The following BAIAP3 variants were observed in gnomAD, a reference collection of about 807,000 sequenced individuals.
BAIAP3 encodes the protein BAI1 associated protein 3, also known as BAI1-associated protein 3.
Under a neutral mutation model 149.7 loss-of-function variants are expected in BAIAP3, and 180 were observed. The ratio of observed to expected loss-of-function variants is 1.20; its 90% CI spans 1.07 to 1.36. The LOEUF is 1.36. BAIAP3 is among the 40% of genes most tolerant of loss of function. BAIAP3 has a pLI of 0.00. For missense variants in BAIAP3, 1,767 were observed against 1,563.4 expected (o/e 1.13, Z -2.20); for synonymous variants, 845 against 670.7 (o/e 1.26, Z -4.02).
At chr16:1,343,892 G>A (rs2034111795) in intron 15 of BAIAP3, 130 bp from the exon 16 acceptor site, 10 of 1,413,420 alleles carry the variant, frequency 7.1e-6, no homozygotes, top group Non-Finnish European at 9.6e-6. Flanking sequence ...GGCCTGTGGA[G>A]GGTGCTGCTC....
rs748675139 is a variant in BAIAP3 at position 1,342,991 on chromosome 16, C to G, written c.1240C>G (p.Leu414Val). 3 of 1,610,578 alleles carry G rather than the reference C, an allele frequency of 1.9e-6. No individual in the cohort carries two copies. In the African/African-American group the frequency reaches 4.0e-5, roughly 22 times the overall value. ...ILCLHGAQSN[L>V]SPLQLAVLHW... ...CTGCCTGCACGGAGCCCAGAGCAAC[C>G]TGTCACCCTTGCAGCTGGCCGTGCT... The change falls in exon 14 of 34, where the codon CTG becomes GTG. Residue 414 changes from leucine to valine, a missense_variant. Physicochemically the swap from Leu to Val is conservative, Grantham distance 32. Coordinates refer to ENST00000426824, the MANE Select transcript of BAIAP3 (RefSeq NM_001199097.2).
rs899183263 is a variant in BAIAP3 at position 1,333,648 on chromosome 16, C to G, written c.-112C>G. ...GGCGTCCGCCCAGCAGTTGCTCAGT[C>G]GTCGGCGCGCGCGGCTGGGAGCGGT... On this transcript the variant is annotated 5_prime_UTR_variant, in exon 1 of 34. Transcript: ENST00000426824. 1.7e-4 allele frequency: 26 copies of G among 150,094 alleles called. No individual in the cohort carries two copies. Among genetic ancestry groups the G allele is most frequent in the Admixed American group, 7.3e-4 (11 of 15,128 alleles). The allele number at this position is 150,094 out of a possible 1,614,324, so 9.3% of individuals were successfully genotyped here. A position where few individuals can be genotyped will look rare whatever the true frequency, so the allele number is the denominator to read the frequency against.
rs1336621373 is a variant in BAIAP3, at chr16:1,338,983, C to T, written c.213C>T (p.Cys71=). The T allele has an allele frequency of 6.2e-7, 1 of 1,612,822 alleles. No homozygotes were observed. The highest frequency in any genetic ancestry group is 1.7e-5 in the Admixed American group (1 of 60,002). ...KKGEGRQGLP[C]LEVPLRSGSP... ...GGGAAGGCAGACAGGGCTTGCCGTG[C>T]CTCGAGGTAAGGGTGCCACCCCCAG... The change falls in exon 3 of 34, where the codon TGC becomes TGT. Residue 71 remains cysteine (C), a synonymous_variant. Transcript: ENST00000426824.
chr16:1,345,410 C>G, intron 22 of BAIAP3, 38 bp downstream of exon 22: 1 of 1,570,102 alleles, frequency 6.4e-7, no homozygotes, highest in Non-Finnish European at 8.7e-7. Context: ...TGGGGCTGGT[C>G]CAGGCCCCCA....
Position 1,346,048 on chromosome 16 carries a change from A to G in BAIAP3, c.2271A>G (p.Pro757=), listed in dbSNP as rs776236155. ...ELLRKKVDTQ[P]GAAGEAVSEA... ...TTCGGAAGAAGGTGGACACTCAGCC[A>G]GGGGCGGCCGGTGAAGCAGTGAGCG... The change falls in exon 24 of 34, where the codon CCA becomes CCG. Residue 757 remains proline, a synonymous_variant. Coordinates refer to ENST00000426824, the MANE Select transcript of BAIAP3 (RefSeq NM_001199097.2). 1.2e-6 allele frequency: 2 copies of G among 1,611,656 alleles called. No individual in the cohort carries two copies. The highest frequency in any genetic ancestry group is 1.7e-6 in the Non-Finnish European group (2 of 1,179,546).
chr16:1,343,640 G>A (rs2034092308), intron 15 of BAIAP3, 127 bp downstream of exon 15: 8 of 1,399,298 alleles, frequency 5.7e-6, no homozygotes, highest in Middle Eastern at 5.1e-4. Flanking sequence ...TGGACAAACT[G>A]TATGACGTGG....
chr16:1,341,399 A>G lies in BAIAP3; in HGVS notation c.641A>G (p.Lys214Arg). Residue 214 changes from lysine (K) to arginine (R), a missense_variant, in exon 8 of 34, where the codon AAG becomes AGG. Coordinates refer to ENST00000426824, the MANE Select transcript of BAIAP3 (RefSeq NM_001199097.2). Reference protein sequence around the residue: ...EQRFGFRKGSKRGGPLPAKCI... With the variant: ...EQRFGFRKGSRRGGPLPAKCI... Reference sequence around the variant, plus strand: ...CGCTTCGGCTTCCGCAAGGGCAGCAAGCGCGGTGGACCCCTGCCTGCCAAG... The same window carrying G: ...CGCTTCGGCTTCCGCAAGGGCAGCAGGCGCGGTGGACCCCTGCCTGCCAAG... The G allele has an allele frequency of 1.2e-6, 2 of 1,612,648 alleles. No homozygotes were observed. Among genetic ancestry groups the G allele is most frequent in the Non-Finnish European group, 1.7e-6 (2 of 1,179,912 alleles).
rs980461930 is a variant in BAIAP3 at position 1,333,741 on chromosome 16, C to G, written c.-19C>G. 6.6e-6 allele frequency: 1 copy of G among 151,972 alleles called. No homozygotes were observed. The highest frequency in any genetic ancestry group is 1.5e-5 in the Non-Finnish European group (1 of 67,962). The allele number at this position is 151,972 out of a possible 1,614,324, so 9.4% of individuals were successfully genotyped here. On this transcript the variant is annotated 5_prime_UTR_variant, in exon 1 of 34. Coordinates refer to ENST00000426824, the MANE Select transcript of BAIAP3 (RefSeq NM_001199097.2). ...CCCAGGAGCCCCCCCATCCCCGCGC[C>G]GGCCCACGGTAAGTGCCGCGGGCTG... is the stretch of plus-strand genomic sequence containing the variant.
chr16:1,338,194 G>A (rs1381018675), intron 1 of BAIAP3, among the ~76,000 whole-genome samples: 1 of 152,132 alleles, frequency 6.6e-6, no homozygotes, highest in African/African-American at 2.4e-5. Context: ...GCGGGGAGGG[G>A]TGTGGGGGGC....
chr16:1,343,278 A>G, intron 14 of BAIAP3, 115 bp from the exon 15 acceptor site: 1 of 1,431,276 alleles, frequency 7.0e-7, no homozygotes, highest in Non-Finnish European at 9.4e-7. Flanking sequence ...TGCTATGAGT[A>G]GGCGCGGCAG....
rs1019540861 is a variant in BAIAP3, at chr16:1,346,872, C to A, written c.2668C>A (p.Leu890Ile). ...SRVLEALWELLLQAILQALGA... is the reference protein window; with the variant it reads ...SRVLEALWELILQAILQALGA... ...GGTGCTGGAGGCCCTGTGGGAGCTA[C>A]TCCTCCAGGCCATTCTGCAGGCGCT... The change falls in exon 28 of 34, where the codon CTC (leucine) becomes ATC (isoleucine). Residue 890 changes from leucine (L) to isoleucine (I), a missense_variant. By Grantham distance (5) the Leu-to-Ile change is conservative. Coordinates refer to ENST00000426824, the MANE Select transcript of BAIAP3 (RefSeq NM_001199097.2). 48 of 1,607,950 alleles carry A rather than the reference C, an allele frequency of 3.0e-5. No homozygotes were observed. The highest frequency in any genetic ancestry group is 3.8e-5 in the Non-Finnish European group (45 of 1,178,870).
chr16:1,348,274 C>T lies in BAIAP3; in HGVS notation c.3328C>T (p.Leu1110=). 6.2e-7 allele frequency: 1 copy of T among 1,601,166 alleles called. No homozygotes were observed. Among genetic ancestry groups the T allele is most frequent in the Non-Finnish European group, 8.5e-7 (1 of 1,175,156 alleles). Residue 1110 remains leucine (L), a synonymous_variant, in exon 33 of 34, where the codon CTG becomes TTG. Coordinates refer to ENST00000426824, the MANE Select transcript of BAIAP3 (RefSeq NM_001199097.2). The part of the protein sequence containing the change: ...GGARAGQPVT[L]HLCRPRAQVR... Reference sequence around the variant, plus strand: ...TGCAAGGGCTGGGCAGCCTGTCACCCTGCACCTGTGCCGGCCCAGAGCCCA... The same window carrying T: ...TGCAAGGGCTGGGCAGCCTGTCACCTTGCACCTGTGCCGGCCCAGAGCCCA...
intron 1 of BAIAP3, chr16:1,336,194 T>C (rs959338215): frequency 2.0e-6 from 2 of 985,048 alleles, no homozygotes; most frequent in Non-Finnish European, 2.4e-6. Context: ...CAGCGGCTGC[T>C]CCACTGGCTT....
At chr16:1,338,244 A>G (rs912691845) in intron 1 of BAIAP3, among the ~76,000 whole-genome samples, 2 of 152,064 alleles carry the variant, frequency 1.3e-5, no homozygotes, top group African/African-American at 4.8e-5. Flanking sequence ...AGACCCCATA[A>G]GTCCCTGATG....
Position 1,348,706 on chromosome 16 carries a change from C to T in BAIAP3, c.*224C>T. 1 of 596,066 alleles carries T rather than the reference C, an allele frequency of 1.7e-6. No homozygotes were observed. The highest frequency in any genetic ancestry group is 2.0e-5 in the South Asian group (1 of 50,482). 36.9% of individuals were successfully genotyped at this position (596,066 alleles called of 1,614,324 possible). On this transcript the variant is annotated 3_prime_UTR_variant, in exon 34 of 34. Transcript: ENST00000426824. ...CCCCACATCTGGGTGGCCAACTTGG[C>T]AGGACTTGGCCAGCAGCTGCCCAGG...
chr16:1,343,102 C>T (rs558637047), intron 14 of BAIAP3, 86 bp downstream of exon 14: 9 of 524,838 alleles, frequency 1.7e-5, no homozygotes, highest in Non-Finnish European at 2.6e-5. Context: ...GAGTGGATGT[C>T]GTGGCTGGGA....
chr16:1,340,969 G>T lies in BAIAP3; in HGVS notation c.456G>T (p.Val152=). 6.3e-7 allele frequency: 1 copy of T among 1,594,754 alleles called. No individual in the cohort carries two copies. Among genetic ancestry groups the T allele is most frequent in the Non-Finnish European group, 8.5e-7 (1 of 1,171,298 alleles). The change falls in exon 6 of 34, where the codon GTG becomes GTT. Residue 152 remains valine (V), a synonymous_variant. Coordinates refer to ENST00000426824, the MANE Select transcript of BAIAP3 (RefSeq NM_001199097.2). Reference sequence around the variant, plus strand: ...AGCACACTGAGGCCATCGAGCGAGTGAGGAAGGCCAAGGTGAGGCCGCCAC... The same window carrying T: ...AGCACACTGAGGCCATCGAGCGAGTTAGGAAGGCCAAGGTGAGGCCGCCAC... ...LEEHTEAIER[V]RKAKAPTYAL...
intron 27 of BAIAP3, 78 bp downstream of exon 27, chr16:1,346,762 T>C: frequency 6.6e-7 from 1 of 1,526,106 alleles, no homozygotes; most frequent in South Asian, 1.2e-5. Context: ...GGAGGCCCTG[T>C]GGGAGCTACT....
At chr16:1,336,355 TG>T (rs1567155966) in intron 1 of BAIAP3, 4 of 985,126 alleles carry the variant, frequency 4.1e-6, no homozygotes, top group African/African-American at 1.7e-5. Context: ...CCCCATCTTT[TG>T]GGGGGGAGGC....
Sources: allele counts gnomAD v4.1 joint callset (sites outside exome capture counted in the v4.1 genomes callset), GRCh38; gene constraint gnomAD v4.1.1; transcripts MANE v1.5; gene names NCBI Gene and HGNC (gene_info 2026-07-23, HGNC 2026-07-21).